GLMN: variants seen among roughly 807,000 people sequenced by gnomAD.
GLMN encodes the protein glomulin, FKBP associated protein, also known as glomulin.
In GLMN, 75 loss-of-function variants were observed where a neutral mutation model predicts 87.8. The observed-to-expected ratio is 0.85, with a 90% CI of 0.71 to 1.04. The LOEUF (loss-of-function observed/expected upper bound fraction) is 1.04, where lower values mean the gene tolerates loss of function less well. Ranked by LOEUF, GLMN falls within the 50% of genes least tolerant of loss-of-function variation. The probability of loss-of-function intolerance (pLI) is 0.00; values close to 1 mark genes in which losing one functional copy is unlikely to be tolerated. For synonymous variants in GLMN, 206 were observed against 221.6 expected, an observed-to-expected ratio of 0.93 and a Z score of 0.63; for missense variants, 588 against 658.8, an observed-to-expected ratio of 0.89 and a Z score of 1.18.
intron 7 of GLMN, among the ~76,000 whole-genome samples, chr1:92,279,701 C>T (rs1429561304): frequency 6.6e-6 from 1 of 152,188 alleles, no homozygotes; most frequent in African/African-American, 2.4e-5. Context: ...CCCTTCCTAG[C>T]CAAGGGAAGC....
chr1:92,267,626 C>G lies in GLMN; in HGVS notation c.1098+287G>C, dbSNP rs916766852. Among the ~76,000 whole-genome samples, 12 of 151,962 alleles carry G rather than the reference C, an allele frequency of 7.9e-5. No homozygotes were observed. The East Asian group carries it at 2.3e-3, about 29-fold the overall frequency. ...GGCTGAGGCAGGAGAATGGAATGAA[C>G]CCAGGAGGTGGAGCTTGCAGTGAGC... On this transcript the variant is annotated intron_variant, in intron 11 of 18. Transcript: ENST00000370360.
At chr1:92,356,699 T>A in the GLMN span, among the ~76,000 whole-genome samples, 1 of 151,320 alleles carries the variant, frequency 6.6e-6, no homozygotes, top group Non-Finnish European at 1.5e-5. Flanking sequence ...CCTTCCGAAG[T>A]GCTGGGATTA....
chr1:92,308,554 G>A, the GLMN span, among the ~76,000 whole-genome samples: 2 of 152,000 alleles, frequency 1.3e-5, no homozygotes, highest in East Asian at 3.9e-4. Flanking sequence ...TTAACCCTTT[G>A]TGCCACCCTC....
chr1:92,273,492 T>C (rs537564248), intron 7 of GLMN, among the ~76,000 whole-genome samples: 5 of 148,992 alleles, frequency 3.4e-5, no homozygotes, highest in Admixed American at 2.7e-4. Context: ...TCACTCAGGC[T>C]GGAGTGTAGT....
chr1:92,268,951 C>A (rs1311730435), intron 9 of GLMN, among the ~76,000 whole-genome samples: 1 of 141,338 alleles, frequency 7.1e-6, no homozygotes, highest in East Asian at 2.1e-4. Flanking sequence ...CAGGGTCTTA[C>A]TCTGTTGCCC....
the GLMN span, among the ~76,000 whole-genome samples, chr1:92,357,348 T>G: frequency 6.6e-6 from 1 of 152,100 alleles, no homozygotes; most frequent in African/African-American, 2.4e-5. Context: ...GTAAAAGATT[T>G]CAATTGGGAG....
At chr1:92,323,930 T>G in the GLMN span, 1 of 1,614,164 alleles carries the variant, frequency 6.2e-7, no homozygotes, top group Non-Finnish European at 8.5e-7. Flanking sequence ...GCAGAGCATT[T>G]TAAGAGAAAA....
chr1:92,324,534 G>A, the GLMN span, among the ~76,000 whole-genome samples: 1 of 152,318 alleles, frequency 6.6e-6, no homozygotes, highest in Admixed American at 6.5e-5. Context: ...CATCTCCACT[G>A]TTGGCATTAC....
chr1:92,359,141 G>A, the GLMN span, among the ~76,000 whole-genome samples: 1 of 152,158 alleles, frequency 6.6e-6, no homozygotes, highest in Non-Finnish European at 1.5e-5. Context: ...AAATGAAAAG[G>A]AAGAGACAAA....
intron 9 of GLMN, among the ~76,000 whole-genome samples, chr1:92,268,930 TTC>T (rs1375837752): frequency 1.4e-4 from 21 of 151,414 alleles, no homozygotes; most frequent in Non-Finnish European, 2.5e-4. Context: ...TTTTTTTTTT[TTC>T]TTTTGCGACA....
At chr1:92,312,441 C>T in the GLMN span, among the ~76,000 whole-genome samples, 4 of 151,598 alleles carry the variant, frequency 2.6e-5, no homozygotes, top group Admixed American at 6.6e-5. Context: ...AAATTGAAGT[C>T]AGTCCTCTCA....
chr1:92,299,260 C>G, upstream of GLMN: 2 of 550,302 alleles, frequency 3.6e-6, no homozygotes, highest in South Asian at 7.3e-5. Context: ...GAGGGGTTCT[C>G]CCAGGTAGAG....
chr1:92,247,350 T>C (rs1266777330), intron 17 of GLMN, among the ~76,000 whole-genome samples: 1 of 152,212 alleles, frequency 6.6e-6, no homozygotes, highest in Non-Finnish European at 1.5e-5. Context: ...AATGCTTCTT[T>C]AGATAAATAG....
intron 3 of GLMN, 135 bp from the exon 4 acceptor site, chr1:92,291,672 C>T: frequency 1.2e-6 from 1 of 837,118 alleles, no homozygotes; most frequent in South Asian, 1.5e-5. Context: ...GACATTTCAC[C>T]AGAGACTTTC....
At chr1:92,333,491 A>G in the GLMN span, 1 of 1,554,104 alleles carries the variant, frequency 6.4e-7, no homozygotes, top group Non-Finnish European at 8.9e-7. Context: ...TGTAATTGCC[A>G]TTCCAGCTTT....
the GLMN span, chr1:92,346,001 A>T: frequency 9.4e-5 from 87 of 930,154 alleles, 1 homozygote; most frequent in African/African-American, 1.2e-3. Context: ...TGATTTTGTA[A>T]ACTGCCTTGG....
chr1:92,290,234 G>GCAAAATACCTGAAGCAAAAGAA lies in GLMN; in HGVS notation c.357_358insTTCTTTTGCTTCAGGTATTTTG (p.Gln120PhefsTer26). On this transcript the variant is annotated frameshift_variant, in exon 5 of 19. Coordinates refer to ENST00000370360, the MANE Select transcript of GLMN (RefSeq NM_053274.3). LOFTEE classifies it high-confidence loss of function. Reference sequence around the variant, plus strand: ...GGCTGAAGCAAAAGAAGAATACTTTGGGATATCTGTTTTCCAGAGGGCTCT... The same window carrying GCAAAATACCTGAAGCAAAAGAA: ...GGCTGAAGCAAAAGAAGAATACTTTGCAAAATACCTGAAGCAAAAGAAGGATATCTGTTTTCCAGAGGGCTCT... The GCAAAATACCTGAAGCAAAAGAA allele has an allele frequency of 6.2e-7, 1 of 1,607,142 alleles. No individual in the cohort carries two copies. The highest frequency in any genetic ancestry group is 8.5e-7 in the Non-Finnish European group (1 of 1,173,944).
the GLMN span, among the ~76,000 whole-genome samples, chr1:92,309,383 A>G: frequency 6.6e-6 from 1 of 150,798 alleles, no homozygotes; most frequent in African/African-American, 2.4e-5. Flanking sequence ...CGGAGGTTGC[A>G]GTGAGCTGAG....
rs1652684290 is a variant in GLMN, at chr1:92,246,516, A to G, written c.*14T>C. ...TACTATATTTTATTAGTTTTTATTT[A>G]GGAAATGGAACTTTCACTTTATCCC... is the stretch of plus-strand genomic sequence containing the variant. On this transcript the variant is annotated 3_prime_UTR_variant, in exon 19 of 19. Transcript: ENST00000370360. The G allele has an allele frequency of 1.9e-6, 2 of 1,054,750 alleles. No individual in the cohort carries two copies. The highest frequency in any genetic ancestry group is 2.5e-5 in the South Asian group (2 of 79,344). 65.3% of individuals were successfully genotyped at this position (1,054,750 alleles called of 1,614,324 possible). A position where few individuals can be genotyped will look rare whatever the true frequency, so the allele number is the denominator to read the frequency against.
Sources: gnomAD v4.1 joint callset for allele counts (sites outside exome capture counted in the v4.1 genomes callset) on GRCh38, gnomAD v4.1.1 for gene constraint, MANE v1.5 for transcripts, NCBI Gene and HGNC (gene_info 2026-07-23, HGNC 2026-07-21) for gene names.